Variants in ANKRD16 observed in about 807,000 individuals in gnomAD.
ANKRD16 encodes the protein ankyrin repeat domain-containing protein 16.
In ANKRD16, 35 loss-of-function variants were observed where a neutral mutation model predicts 37.9. The ratio of observed to expected loss-of-function variants is 0.92; its 90% CI spans 0.71 to 1.23. ANKRD16 has a LOEUF of 1.23. Among genes scored for constraint, ANKRD16 ranks in the 50% most tolerant of loss-of-function variants. The pLI, the probability that ANKRD16 is intolerant of heterozygous loss-of-function variation, is 0.00. For missense variants in ANKRD16, 480 were observed against 469.9 expected (o/e 1.02, Z -0.20); for synonymous variants, 206 against 197.2 (o/e 1.04, Z -0.37).
intron 3 of ANKRD16, 65 bp from the exon 4 acceptor site, chr10:5,884,142 C>T (rs1842372705): frequency 2.6e-6 from 3 of 1,174,648 alleles, no homozygotes; most frequent in Non-Finnish European, 3.8e-6. Context: ...GGACAGTTGA[C>T]ACCTGATCAC....
rs1436814896 is a variant in ANKRD16 at position 5,862,642 on chromosome 10, T to C, written c.*83A>G. 1 of 1,289,504 alleles carries C rather than the reference T, an allele frequency of 7.8e-7. No homozygotes were observed. Among genetic ancestry groups the C allele is most frequent in the African/African-American group, 1.5e-5 (1 of 65,796 alleles). 79.9% of individuals were successfully genotyped at this position (1,289,504 alleles called of 1,614,324 possible). On this transcript the variant is annotated 3_prime_UTR_variant, in exon 8 of 8. Coordinates refer to ENST00000380094, the MANE Select transcript of ANKRD16 (RefSeq NM_019046.3). The surrounding 1 kb of genome is among the most constrained non-coding windows in gnomAD (Gnocchi z 6.5). The stretch of plus-strand genomic sequence containing the variant: ...TCAGGATGACTGAAGCAAGTTGCAC[T>C]TGGCTTTCTCTGAGCCGAAAAACGA...
intron 7 of ANKRD16, among the ~76,000 whole-genome samples, chr10:5,872,835 C>A (rs554266024): frequency 6.6e-6 from 1 of 151,474 alleles, no homozygotes; most frequent in Non-Finnish European, 1.5e-5. Flanking sequence ...GCATTACAGG[C>A]GTGAGCCACC....
At chr10:5,876,699 C>G (rs1842191583) in intron 7 of ANKRD16, among the ~76,000 whole-genome samples, 1 of 152,232 alleles carries the variant, frequency 6.6e-6, no homozygotes, top group South Asian at 2.1e-4. Context: ...AATTCTTGCT[C>G]TGTGCCAAAC....
In ANKRD16 at chr10:5,866,994, GAGAA is replaced by G. The variant is rs1483201388; in HGVS notation, c.*34-4307_*34-4304del. 3.9e-5 allele frequency among the ~76,000 whole-genome samples: 6 copies of G among 152,168 alleles called. No homozygotes were observed. The highest frequency in any genetic ancestry group is 5.9e-5 in the Non-Finnish European group (4 of 68,028). On this transcript the variant is annotated intron_variant, in intron 7 of 7. Transcript: ENST00000380094. The surrounding 1 kb of genome is among the most constrained non-coding windows in gnomAD (Gnocchi z 4.3). ...AGAGAAAGACAAAGAAGAAGTCAAA[GAGAA>G]AGAAAGAGAGATGGAAATAGTAAAG...
At chr10:5,877,687 C>T (rs1442919107) in intron 7 of ANKRD16, among the ~76,000 whole-genome samples, 1 of 152,192 alleles carries the variant, frequency 6.6e-6, no homozygotes, top group Non-Finnish European at 1.5e-5. Flanking sequence ...TTTTATAGCT[C>T]AAGCTAATAG....
chr10:5,873,121 C>T (rs1201984575), intron 7 of ANKRD16, among the ~76,000 whole-genome samples: 1 of 151,770 alleles, frequency 6.6e-6, no homozygotes, highest in Non-Finnish European at 1.5e-5. Flanking sequence ...CCTCCGCCTC[C>T]CGGGTTTAAG....
At chr10:5,877,095 A>G (rs1842197005) in intron 7 of ANKRD16, among the ~76,000 whole-genome samples, 1 of 146,956 alleles carries the variant, frequency 6.8e-6, no homozygotes, top group South Asian at 2.2e-4. Flanking sequence ...TTTTGTAAAT[A>G]TCTTAGTTAC....
intron 5 of ANKRD16, among the ~76,000 whole-genome samples, chr10:5,880,916 A>G (rs1842289500): frequency 6.6e-6 from 1 of 151,540 alleles, no homozygotes; most frequent in Non-Finnish European, 1.5e-5. Context: ...CTTTTCTAAA[A>G]CAGTCGACTG....
Position 5,883,042 on chromosome 10 carries a change from T to C in ANKRD16, c.813A>G (p.Thr271=). Residue 271 remains threonine, a synonymous_variant, in exon 5 of 8, where the codon ACA becomes ACG. Coordinates refer to ENST00000380094, the MANE Select transcript of ANKRD16 (RefSeq NM_019046.3). ...AATGAAGTGCTGTGAGGTGGGTTGA[T>C]GTGGCTCTCACATCTACATCGACGC... is the stretch of plus-strand genomic sequence containing the variant. The part of the protein sequence containing the change: ...ELGVDVDVRA[T]STHLTALHYA... The C allele has an allele frequency of 6.2e-7, 1 of 1,614,048 alleles. No individual in the cohort carries two copies. The highest frequency in any genetic ancestry group is 1.1e-5 in the South Asian group (1 of 91,086).
rs1841945115 is a variant in ANKRD16 at position 5,861,833 on chromosome 10, C to T, written c.*892G>A. Reference sequence around the variant, plus strand: ...ACTAGCTGGGCATTCCACAGCTTCACTGTTGGTATCATCTGTGATACTATC... The same window carrying T: ...ACTAGCTGGGCATTCCACAGCTTCATTGTTGGTATCATCTGTGATACTATC... On this transcript the variant is annotated 3_prime_UTR_variant, in exon 8 of 8. Transcript: ENST00000380094. The T allele has an allele frequency of 6.6e-6, 1 of 151,122 alleles. No individual in the cohort carries two copies. The highest frequency in any genetic ancestry group is 2.1e-4 in the South Asian group (1 of 4,774). The allele number at this position is 151,122 out of a possible 1,614,324, so 9.4% of individuals were successfully genotyped here. A position where few individuals can be genotyped will look rare whatever the true frequency, so the allele number is the denominator to read the frequency against.
chr10:5,884,739 T>TAAAAAAAAAAAAAAAAAA (rs34030686), intron 3 of ANKRD16, among the ~76,000 whole-genome samples: 1 of 120,154 alleles, frequency 8.3e-6, no homozygotes, highest in Non-Finnish European at 1.7e-5. Context: ...TCTCAAAAAC[T>TAAAAAAAAAAAAAAAAAA]AAAAAAAAAA....
intron 7 of ANKRD16, among the ~76,000 whole-genome samples, chr10:5,872,128 C>T (rs941049517): frequency 6.6e-5 from 10 of 152,022 alleles, no homozygotes; most frequent in South Asian, 2.1e-4. Flanking sequence ...GAGCATAAGA[C>T]GGCCATGAAA....
At chr10:5,882,497 A>C (rs560138382) in intron 5 of ANKRD16, among the ~76,000 whole-genome samples, 5 of 152,114 alleles carry the variant, frequency 3.3e-5, no homozygotes, top group South Asian at 2.1e-4. Flanking sequence ...AAAAAAAAAA[A>C]CAAAAAATAA....
rs1842058600 is a variant in ANKRD16 at position 5,869,578 on chromosome 10, A to G, written c.*34-6887T>C. Among the ~76,000 whole-genome samples, 3 of 152,084 alleles carry G rather than the reference A, an allele frequency of 2.0e-5. No homozygotes were observed. ...TCACTGAGAAGTCGAAGCACCTAGAAGACAGCTTGGTGTTTCCCAGCACCA... is the reference window on the plus strand; with the variant it reads ...TCACTGAGAAGTCGAAGCACCTAGAGGACAGCTTGGTGTTTCCCAGCACCA... On this transcript the variant is annotated intron_variant, in intron 7 of 7. Coordinates refer to ENST00000380094, the MANE Select transcript of ANKRD16 (RefSeq NM_019046.3). This position sits in a 1 kb window ranked among gnomAD's most constrained non-coding sequence, Gnocchi z 4.0.
intron 1 of ANKRD16, among the ~76,000 whole-genome samples, chr10:5,888,436 T>G (rs1318752839): frequency 6.6e-6 from 1 of 152,236 alleles, no homozygotes; most frequent in African/African-American, 2.4e-5. Context: ...TGTACTTCCC[T>G]ATGTTCCTAA....
rs769993296 is a variant in ANKRD16, at chr10:5,889,034, C to T, written c.314+7G>A. The T allele has an allele frequency of 2.6e-6, 4 of 1,524,466 alleles. No homozygotes were observed. The highest frequency in any genetic ancestry group is 1.8e-6 in the Non-Finnish European group (2 of 1,142,350). The allele number at this position is 1,524,466 out of a possible 1,614,324, so 94.4% of individuals were successfully genotyped here. ...GGAGGCGGGGTGTCTTTCCGCTCCA[C>T]ACCTACCAGTCGGCCTTCTTCAGGC... On this transcript the variant is annotated splice_region_variant and intron_variant, in intron 1 of 7. Transcript: ENST00000380094.
In ANKRD16 at chr10:5,872,579, T is replaced by C. The variant is rs545210946; in HGVS notation, c.*33+5518A>G. On this transcript the variant is annotated intron_variant, in intron 7 of 7. Coordinates refer to ENST00000380094, the MANE Select transcript of ANKRD16 (RefSeq NM_019046.3). Reference sequence around the variant, plus strand: ...TTTTATGTAGGTATTTTTTTTGAGATGGAATCTCACTCTGTTGCCCAGGCT... The same window carrying C: ...TTTTATGTAGGTATTTTTTTTGAGACGGAATCTCACTCTGTTGCCCAGGCT... Among the ~76,000 whole-genome samples the C allele has an allele frequency of 6.6e-5, 10 of 151,924 alleles. No individual in the cohort carries two copies. In the South Asian group the frequency reaches 8.3e-4, roughly 13 times the overall value.
At chr10:5,886,623 A>G (rs1431430951) in intron 2 of ANKRD16, among the ~76,000 whole-genome samples, 17 of 152,154 alleles carry the variant, frequency 1.1e-4, no homozygotes, top group Admixed American at 1.1e-3. Context: ...GCAACACTAT[A>G]AAACATCACA....
chr10:5,864,693 G>T lies in ANKRD16; in HGVS notation c.*34-2002C>A, dbSNP rs901978203. On this transcript the variant is annotated intron_variant, in intron 7 of 7. Coordinates refer to ENST00000380094, the MANE Select transcript of ANKRD16 (RefSeq NM_019046.3). This position sits in a 1 kb window ranked among gnomAD's most constrained non-coding sequence, Gnocchi z 4.4. ...CAAATTCCCTACTGGTCAGCAAGCC[G>T]TCCCCATTATGGATCTCCAGTGGGA... is the stretch of plus-strand genomic sequence containing the variant. Among the ~76,000 whole-genome samples, 1 of 151,644 alleles carries T rather than the reference G, an allele frequency of 6.6e-6. No homozygotes were observed. The highest frequency in any genetic ancestry group is 1.5e-5 in the Non-Finnish European group (1 of 68,024).
Sources: allele counts gnomAD v4.1 joint callset (sites outside exome capture counted in the v4.1 genomes callset), GRCh38; gene constraint gnomAD v4.1.1; non-coding constraint Gnocchi (gnomAD v3.1); transcripts MANE v1.5; gene names NCBI Gene and HGNC (gene_info 2026-07-23, HGNC 2026-07-21).